The following DZIP3 variants were observed in gnomAD, a reference collection of about 807,000 sequenced individuals.
DZIP3 encodes the protein DAZ interacting zinc finger protein 3.
Under a neutral mutation model 162.0 loss-of-function variants are expected in DZIP3, and 118 were observed. The observed-to-expected ratio is 0.73, with a 90% CI of 0.63 to 0.85. The LOEUF is 0.85. Ranked by LOEUF, DZIP3 falls within the 40% of genes least tolerant of loss-of-function variation. The pLI is 0.00. For missense variants in DZIP3, 1,331 were observed against 1,407.0 expected (o/e 0.95, Z 0.86); for synonymous variants, 438 against 458.6 (o/e 0.96, Z 0.57).
intron 21 of DZIP3, among the ~76,000 whole-genome samples, chr3:108,666,126 A>G (rs1261947790): frequency 1.3e-5 from 2 of 152,132 alleles, no homozygotes; most frequent in African/African-American, 2.4e-5. Context: ...TTTTAACACT[A>G]TCTCGTGGAA....
At chr3:108,607,864 TA>T (rs1576351009) in intron 2 of DZIP3, among the ~76,000 whole-genome samples, 1 of 152,190 alleles carries the variant, frequency 6.6e-6, no homozygotes, top group Admixed American at 6.5e-5. Context: ...GTGTTTTTCA[TA>T]ATTGGCTTGC....
intron 17 of DZIP3, among the ~76,000 whole-genome samples, chr3:108,650,713 T>C (rs1005700674): frequency 6.6e-6 from 1 of 151,676 alleles, no homozygotes; most frequent in African/African-American, 2.4e-5. Flanking sequence ...GCTTGTAGTG[T>C]AGAAATAAAT....
intron 9 of DZIP3, among the ~76,000 whole-genome samples, chr3:108,633,609 T>C (rs1417953001): frequency 6.7e-6 from 1 of 149,650 alleles, no homozygotes; most frequent in African/African-American, 2.5e-5. Flanking sequence ...TTCTGATAGA[T>C]CTCTCTCTCT....
chr3:108,613,254 T>C (rs2107517138), intron 4 of DZIP3, among the ~76,000 whole-genome samples: 1 of 152,246 alleles, frequency 6.6e-6, no homozygotes, highest in South Asian at 2.1e-4. Context: ...AATAATGGGA[T>C]TTTTTTGGTT....
At chr3:108,678,680 G>C (rs1299953532) in intron 26 of DZIP3, among the ~76,000 whole-genome samples, 1 of 151,882 alleles carries the variant, frequency 6.6e-6, no homozygotes, top group African/African-American at 2.4e-5. Flanking sequence ...CTTTCCAAAA[G>C]ACCTTTTAAG....
At position 108,644,332 on chromosome 3, in the gene DZIP3, A is replaced by G. The variant is rs2107643841; in HGVS notation, c.1310A>G (p.Asn437Ser). 1 of 1,614,010 alleles carries G rather than the reference A, an allele frequency of 6.2e-7. No homozygotes were observed. The highest frequency in any genetic ancestry group is 8.5e-7 in the Non-Finnish European group (1 of 1,179,946). ...AAGAATGTGCTGGAATCCTACTACAACCATCTTTGGACCAATCATCCTTTG... is the reference window on the plus strand; with the variant it reads ...AAGAATGTGCTGGAATCCTACTACAGCCATCTTTGGACCAATCATCCTTTG... Reference protein sequence around the residue: ...IHKNVLESYYNHLWTNHPLGG... With the variant: ...IHKNVLESYYSHLWTNHPLGG... The change falls in exon 14 of 33, where the codon AAC (asparagine) becomes AGC (serine). Residue 437 changes from asparagine to serine, a missense_variant. Transcript: ENST00000361582.
chr3:108,624,019 G>C (rs1052586135), intron 5 of DZIP3, among the ~76,000 whole-genome samples: 12 of 152,168 alleles, frequency 7.9e-5, no homozygotes, highest in African/African-American at 2.9e-4. Flanking sequence ...GGCAACTTAA[G>C]ACTGTCTTTC....
At chr3:108,686,240 ATTC>A (rs1273479992) in intron 27 of DZIP3, among the ~76,000 whole-genome samples, 2 of 152,260 alleles carry the variant, frequency 1.3e-5, no homozygotes, top group Non-Finnish European at 2.9e-5. Context: ...GTATGCCAGT[ATTC>A]TTCTTCATTC....
At chr3:108,682,603 A>G (rs1277273149) in intron 26 of DZIP3, among the ~76,000 whole-genome samples, 1 of 150,752 alleles carries the variant, frequency 6.6e-6, no homozygotes, top group Non-Finnish European at 1.5e-5. Flanking sequence ...TGGTTACCAG[A>G]GACTAGGGAG....
At chr3:108,611,423 A>G (rs1940701426) in intron 4 of DZIP3, 94 bp downstream of exon 4, 3 of 1,449,816 alleles carry the variant, frequency 2.1e-6, no homozygotes, top group South Asian at 1.3e-5. Context: ...AGTATAGCCA[A>G]GGTCTTGAAA....
intron 8 of DZIP3, among the ~76,000 whole-genome samples, chr3:108,631,218 C>T (rs76618250): frequency 0.042 from 6,351 of 151,700 alleles, 490 homozygotes; most frequent in African/African-American, 0.15. Context: ...TCAAGTTTTC[C>T]TTCCTAGGGT....
chr3:108,659,805 T>G (rs1407020507), intron 19 of DZIP3, among the ~76,000 whole-genome samples: 2 of 152,188 alleles, frequency 1.3e-5, no homozygotes, highest in African/African-American at 2.4e-5. Flanking sequence ...GGATATAAAA[T>G]CAATGTGCAA....
rs529053083 is a variant in DZIP3, at chr3:108,648,960, A to G, written c.2005A>G (p.Lys669Glu). Residue 669 changes from lysine (K) to glutamate (E), a missense_variant and splice_region_variant, in exon 17 of 33, where the codon AAG becomes GAG. Physicochemically the swap from Lys to Glu is moderately conservative, Grantham distance 56. Around this residue, in one of 2 missense-constraint regions of DZIP3, gnomAD observed 1,278 missense variants for 1,317.1 expected, o/e 0.97. Transcript: ENST00000361582. ...QRKKKKTKNK[K>E]NKDSKEDQVP... The stretch of plus-strand genomic sequence containing the variant: ...GAAAAAGAAGAAGACTAAGAATAAA[A>G]AGGTAAGAGACTATAATAGCATTAT... 29 of 1,164,274 alleles carry G rather than the reference A, an allele frequency of 2.5e-5. No homozygotes were observed. In the South Asian group the frequency reaches 4.1e-4, roughly 16 times the overall value. The allele number at this position is 1,164,274 out of a possible 1,614,324, so 72.1% of individuals were successfully genotyped here.
chr3:108,600,774 T>A (rs755864836), intron 1 of DZIP3, among the ~76,000 whole-genome samples: 26 of 152,118 alleles, frequency 1.7e-4, no homozygotes, highest in Non-Finnish European at 2.6e-4. Flanking sequence ...TTTACAACCC[T>A]ATGAAGGAGG....
At chr3:108,669,534 A>G (rs1004631887) in intron 21 of DZIP3, 147 bp from the exon 22 acceptor site, 12 of 607,650 alleles carry the variant, frequency 2.0e-5, no homozygotes, top group South Asian at 4.7e-5. Context: ...AGGACCAGGT[A>G]TAGGAGTTCA....
chr3:108,631,055 A>ACACACACACACACACACACCCTCTCTCT, intron 8 of DZIP3, among the ~76,000 whole-genome samples: 2 of 18,006 alleles, frequency 1.1e-4, no homozygotes, highest in Non-Finnish European at 1.8e-4. Flanking sequence ...ACACACACAC[A>ACACACACACACACACACACCCTCTCTCT]CTCTCTCTCT....
At chr3:108,641,834 G>A (rs1483025154) in intron 12 of DZIP3, among the ~76,000 whole-genome samples, 1 of 152,100 alleles carries the variant, frequency 6.6e-6, no homozygotes, top group African/African-American at 2.4e-5. Context: ...ACATTGTAGC[G>A]TTGTTGTCCA....
At chr3:108,597,075 C>G (rs1293703871) in intron 1 of DZIP3, among the ~76,000 whole-genome samples, 1 of 152,176 alleles carries the variant, frequency 6.6e-6, no homozygotes, top group Admixed American at 6.5e-5. Context: ...AGTGTCAACT[C>G]ATATTTTTCA....
chr3:108,619,217 C>G (rs938681940), intron 5 of DZIP3, among the ~76,000 whole-genome samples: 2 of 151,632 alleles, frequency 1.3e-5, no homozygotes, highest in South Asian at 4.2e-4. Flanking sequence ...CAATATAGAG[C>G]TTATGAGCAG....
Sources: gnomAD v4.1 joint callset for allele counts (sites outside exome capture counted in the v4.1 genomes callset) on GRCh38, gnomAD v4.1.1 for gene constraint, gnomAD v4.1.1 regional missense constraint, MANE v1.5 for transcripts, NCBI Gene and HGNC (gene_info 2026-07-23, HGNC 2026-07-21) for gene names.